The following ZNF704 variants were observed in gnomAD, a reference collection of about 807,000 sequenced individuals.
ZNF704 encodes zinc finger protein 704, also known as glucocorticoid induced gene 1.
Under a neutral mutation model 44.7 loss-of-function variants are expected in ZNF704, and 10 were observed. The observed-to-expected ratio is 0.22, with a 90% CI of 0.14 to 0.38. The LOEUF (loss-of-function observed/expected upper bound fraction) is 0.38, where lower values mean the gene tolerates loss of function less well. Ranked by LOEUF, ZNF704 falls within the 10% of genes least tolerant of loss-of-function variation. The pLI is 1.00. For missense variants in ZNF704, 390 were observed against 545.5 expected, an observed-to-expected ratio of 0.71 and a Z score of 2.84; for synonymous variants, 211 against 207.6, an observed-to-expected ratio of 1.02 and a Z score of -0.14.
intron 7 of ZNF704, among the ~76,000 whole-genome samples, chr8:80,644,556 G>A (rs547615369): frequency 1.3e-5 from 2 of 151,890 alleles, no homozygotes; most frequent in African/African-American, 4.8e-5. Context: ...ACATAAATCC[G>A]CAAGTCACCA....
chr8:80,805,673 T>C (rs1807977753), intron 2 of ZNF704, among the ~76,000 whole-genome samples: 1 of 152,208 alleles, frequency 6.6e-6, no homozygotes, highest in South Asian at 2.1e-4. Context: ...GAAACAAAGA[T>C]AAATGGTTTG....
At chr8:80,802,099 T>C (rs919468401) in intron 2 of ZNF704, among the ~76,000 whole-genome samples, 5 of 147,368 alleles carry the variant, frequency 3.4e-5, no homozygotes, top group Admixed American at 2.8e-4. Flanking sequence ...TTCCTGGACA[T>C]ATACACCCTC....
chr8:80,847,525 T>C (rs1407143476), intron 1 of ZNF704, among the ~76,000 whole-genome samples: 1 of 152,174 alleles, frequency 6.6e-6, no homozygotes, highest in Non-Finnish European at 1.5e-5. Flanking sequence ...AAAACAATTT[T>C]GATAAAAATG....
Position 80,821,219 on chromosome 8 carries a change from C to G in ZNF704, c.221+155G>C, listed in dbSNP as rs555832072. Reference sequence around the variant, plus strand: ...AAGTCAGTTATGAAGAGTAAGGCCACCTGCTCTATTTCACACAAGCAATAG... The same window carrying G: ...AAGTCAGTTATGAAGAGTAAGGCCAGCTGCTCTATTTCACACAAGCAATAG... On this transcript the variant is annotated intron_variant, in intron 2 of 8. Transcript: ENST00000327835. 1.1e-4 allele frequency among the ~76,000 whole-genome samples: 16 copies of G among 152,318 alleles called. No individual in the cohort carries two copies. The South Asian group carries it at 2.5e-3, about 24-fold the overall frequency.
chr8:80,843,965 A>G (rs927933997), intron 1 of ZNF704, among the ~76,000 whole-genome samples: 1 of 134,338 alleles, frequency 7.4e-6, no homozygotes, highest in African/African-American at 3.2e-5. Context: ...ATGTGTATAT[A>G]TATGTGTATA....
At chr8:80,819,984 T>C (rs2129875121) in intron 2 of ZNF704, among the ~76,000 whole-genome samples, 1 of 152,334 alleles carries the variant, frequency 6.6e-6, no homozygotes, top group Non-Finnish European at 1.5e-5. Context: ...GGTACTGTTT[T>C]CCTGGTTAAC....
chr8:80,800,794 C>A (rs778284016), intron 2 of ZNF704, among the ~76,000 whole-genome samples: 38 of 152,094 alleles, frequency 2.5e-4, no homozygotes, highest in Non-Finnish European at 5.1e-4. Flanking sequence ...ATGATAGGAT[C>A]AAATTAATAC....
intron 2 of ZNF704, among the ~76,000 whole-genome samples, chr8:80,775,011 T>A (rs549761558): frequency 1.3e-5 from 2 of 152,314 alleles, no homozygotes; most frequent in Non-Finnish European, 2.9e-5. Context: ...TTATATTTTT[T>A]AATACATAAT....
chr8:80,871,668 G>A (rs1809254558), intron 1 of ZNF704, among the ~76,000 whole-genome samples: 1 of 152,148 alleles, frequency 6.6e-6, no homozygotes, highest in African/African-American at 2.4e-5. Context: ...GCACATAATA[G>A]GTGTTCAATA....
chr8:80,695,914 A>G lies in ZNF704; in HGVS notation c.222-2807T>C, dbSNP rs148748145. 2.6e-3 allele frequency among the ~76,000 whole-genome samples: 395 copies of G among 152,370 alleles called. 4 individuals are homozygous for G. Among genetic ancestry groups the G allele is most frequent in the African/African-American group, 8.8e-3 (368 of 41,594 alleles). On this transcript the variant is annotated intron_variant, in intron 2 of 8. Coordinates refer to ENST00000327835, the MANE Select transcript of ZNF704 (RefSeq NM_001033723.3). ...ACAACAACAACAAAGTCAAAGGAAT[A>G]CATCACAATGACTCAGTTAACCTGC... is the stretch of plus-strand genomic sequence containing the variant.
intron 2 of ZNF704, among the ~76,000 whole-genome samples, chr8:80,747,878 G>A (rs1047607362): frequency 3.3e-5 from 5 of 152,036 alleles, no homozygotes; most frequent in African/African-American, 1.2e-4. Flanking sequence ...CACCACACCT[G>A]GCTAATTTTT....
rs1585982899 is a variant in ZNF704 at position 80,725,928 on chromosome 8, T to C, written c.222-32821A>G. Among the ~76,000 whole-genome samples the C allele has an allele frequency of 2.0e-5, 3 of 152,188 alleles. No individual in the cohort carries two copies. The South Asian group carries it at 6.2e-4, about 32-fold the overall frequency. On this transcript the variant is annotated intron_variant, in intron 2 of 8. Coordinates refer to ENST00000327835, the MANE Select transcript of ZNF704 (RefSeq NM_001033723.3). ...AAATAGTGAACATTAAATATTTTTCTAAACAAATGTCTAATGTAGGTAGTG... is the reference window on the plus strand; with the variant it reads ...AAATAGTGAACATTAAATATTTTTCCAAACAAATGTCTAATGTAGGTAGTG...
At chr8:80,790,869 C>A (rs1807693578) in intron 2 of ZNF704, among the ~76,000 whole-genome samples, 1 of 152,032 alleles carries the variant, frequency 6.6e-6, no homozygotes, top group African/African-American at 2.4e-5. Context: ...GCAGCACAGA[C>A]AACTAAGAAA....
At chr8:80,805,598 T>C (rs1411357817) in intron 2 of ZNF704, among the ~76,000 whole-genome samples, 3 of 152,344 alleles carry the variant, frequency 2.0e-5, no homozygotes, top group Admixed American at 1.3e-4. Flanking sequence ...TTACTTTTTT[T>C]CTTTCTCATG....
At chr8:80,872,547 T>C (rs1004237991) in intron 1 of ZNF704, among the ~76,000 whole-genome samples, 2 of 152,188 alleles carry the variant, frequency 1.3e-5, no homozygotes, top group African/African-American at 4.8e-5. Flanking sequence ...GGTAAAATGT[T>C]ATTCAGCTGA....
At chr8:80,865,651 G>C (rs929293013) in intron 1 of ZNF704, among the ~76,000 whole-genome samples, 1 of 152,166 alleles carries the variant, frequency 6.6e-6, no homozygotes, top group Non-Finnish European at 1.5e-5. Flanking sequence ...AGTCTGAATC[G>C]AGGAGATATG....
At chr8:80,709,845 G>A (rs1035224822) in intron 2 of ZNF704, among the ~76,000 whole-genome samples, 1 of 152,218 alleles carries the variant, frequency 6.6e-6, no homozygotes, top group African/African-American at 2.4e-5. Flanking sequence ...AGCAGCAGCA[G>A]GAGGCTGTCC....
upstream of ZNF704, among the ~76,000 whole-genome samples, chr8:80,878,171 C>T (rs1158695141): frequency 6.6e-6 from 1 of 151,880 alleles, no homozygotes; most frequent in African/African-American, 2.4e-5. Flanking sequence ...TTCAGATCTC[C>T]AGTGATTCTT....
intron 2 of ZNF704, among the ~76,000 whole-genome samples, chr8:80,703,571 C>A (rs1818846467): frequency 6.6e-6 from 1 of 152,162 alleles, no homozygotes; most frequent in South Asian, 2.1e-4. Flanking sequence ...ACCTGCAGGG[C>A]TCAAATGATC....
Sources: gnomAD v4.1 joint callset for allele counts (sites outside exome capture counted in the v4.1 genomes callset) on GRCh38, gnomAD v4.1.1 for gene constraint, MANE v1.5 for transcripts, NCBI Gene and HGNC (gene_info 2026-07-23, HGNC 2026-07-21) for gene names.